Variants in KCNAB1 observed in about 807,000 individuals in gnomAD.
KCNAB1 encodes voltage-gated potassium channel subunit beta-1.
In KCNAB1, 35 loss-of-function variants were observed where a neutral mutation model predicts 64.6. The observed-to-expected ratio is 0.54, with a 90% CI of 0.41 to 0.72. The LOEUF (loss-of-function observed/expected upper bound fraction) is 0.72. KCNAB1 is among the 30% of genes least tolerant of loss of function. KCNAB1 has a pLI of 0.00. For synonymous variants in KCNAB1, 177 were observed against 183.8 expected (o/e 0.96, Z 0.30); for missense variants, 401 against 512.9 (o/e 0.78, Z 2.11).
At chr3:156,193,271 A>G (rs1713682208) in intron 1 of KCNAB1, among the ~76,000 whole-genome samples, 1 of 152,196 alleles carries the variant, frequency 6.6e-6, no homozygotes, top group Non-Finnish European at 1.5e-5. Context: ...ATACAAATTC[A>G]GTAGAAACCA....
chr3:156,155,823 G>T (rs1162211308), intron 1 of KCNAB1, among the ~76,000 whole-genome samples: 1 of 152,198 alleles, frequency 6.6e-6, no homozygotes, highest in Admixed American at 6.5e-5. Context: ...CATGGTCGTG[G>T]TTTATTACAG....
intron 8 of KCNAB1, among the ~76,000 whole-genome samples, chr3:156,491,134 C>T (rs1715599259): frequency 6.6e-6 from 1 of 152,062 alleles, no homozygotes; most frequent in African/African-American, 2.4e-5. Context: ...CACAATTTCT[C>T]CACAAGCTGC....
At chr3:156,421,697 G>A in intron 2 of KCNAB1, 38 bp downstream of exon 2, 2 of 1,599,994 alleles carry the variant, frequency 1.3e-6, no homozygotes. Context: ...TGGGCTGGAA[G>A]GTGGGAGACT....
At chr3:156,443,629 A>G (rs1025810435) in intron 2 of KCNAB1, among the ~76,000 whole-genome samples, 1 of 152,160 alleles carries the variant, frequency 6.6e-6, no homozygotes, top group Non-Finnish European at 1.5e-5. Context: ...ATGGATCTAC[A>G]TGGTGGAGGC....
chr3:156,229,760 T>G (rs1716407216), intron 1 of KCNAB1, among the ~76,000 whole-genome samples: 1 of 152,214 alleles, frequency 6.6e-6, no homozygotes, highest in African/African-American at 2.4e-5. Context: ...GCTAATTCCT[T>G]GCTTCCTCTC....
chr3:156,468,306 A>G (rs1713585401), intron 7 of KCNAB1, among the ~76,000 whole-genome samples: 1 of 152,118 alleles, frequency 6.6e-6, no homozygotes, highest in South Asian at 2.1e-4. Context: ...ATGTATATAT[A>G]TGTATTCTTT....
intron 5 of KCNAB1, among the ~76,000 whole-genome samples, chr3:156,463,404 T>G (rs1189676123): frequency 6.6e-6 from 1 of 152,196 alleles, no homozygotes; most frequent in African/African-American, 2.4e-5. Flanking sequence ...TACTTTGCTA[T>G]GTCGACATGG....
intron 1 of KCNAB1, among the ~76,000 whole-genome samples, chr3:156,366,224 C>T (rs896886087): frequency 3.9e-5 from 6 of 152,040 alleles, no homozygotes; most frequent in Admixed American, 6.6e-5. Flanking sequence ...TCCTTCTCTC[C>T]GGTAGAGTTT....
chr3:156,286,877 T>C (rs1720125334), intron 1 of KCNAB1, among the ~76,000 whole-genome samples: 1 of 152,232 alleles, frequency 6.6e-6, no homozygotes, highest in African/African-American at 2.4e-5. Context: ...AATTGTAGTG[T>C]GCCTGTGTCA....
At chr3:156,301,366 T>C (rs1721145996) in intron 1 of KCNAB1, among the ~76,000 whole-genome samples, 1 of 152,170 alleles carries the variant, frequency 6.6e-6, no homozygotes, top group African/African-American at 2.4e-5. Flanking sequence ...AATAAACCTT[T>C]TGACTCACTA....
At chr3:156,403,441 G>A (rs546259560) in intron 1 of KCNAB1, among the ~76,000 whole-genome samples, 20 of 152,308 alleles carry the variant, frequency 1.3e-4, no homozygotes, top group African/African-American at 4.6e-4. Context: ...TAAGGGGAAG[G>A]GGTGAGCCCA....
intron 1 of KCNAB1, among the ~76,000 whole-genome samples, chr3:156,369,292 C>T (rs934599670): frequency 1.8e-4 from 28 of 152,246 alleles, no homozygotes; most frequent in African/African-American, 5.3e-4. Context: ...TTTTTCATTC[C>T]GGTATGATAT....
chr3:156,425,110 A>T (rs1715725374), intron 2 of KCNAB1, among the ~76,000 whole-genome samples: 1 of 152,214 alleles, frequency 6.6e-6, no homozygotes, highest in Non-Finnish European at 1.5e-5. Flanking sequence ...TGTCAAATCC[A>T]AATGGAGCTG....
intron 1 of KCNAB1, among the ~76,000 whole-genome samples, chr3:156,316,844 A>T (rs1018153336): frequency 5.3e-5 from 8 of 152,226 alleles, no homozygotes; most frequent in African/African-American, 1.9e-4. Flanking sequence ...GGGAACTCCA[A>T]AGATGAAATC....
At chr3:156,183,973 A>T (rs1262924855) in intron 1 of KCNAB1, among the ~76,000 whole-genome samples, 1 of 152,226 alleles carries the variant, frequency 6.6e-6, no homozygotes, top group Admixed American at 6.5e-5. Flanking sequence ...TAAAATGGGG[A>T]TAATAATTAT....
At chr3:156,489,435 G>GA (rs1715477116) in intron 8 of KCNAB1, among the ~76,000 whole-genome samples, 2 of 152,128 alleles carry the variant, frequency 1.3e-5, no homozygotes, top group East Asian at 3.9e-4. Flanking sequence ...GTTACTGATA[G>GA]GTCAAGTAAG....
At chr3:156,156,082 T>C (rs1365404562) in intron 1 of KCNAB1, among the ~76,000 whole-genome samples, 1 of 152,204 alleles carries the variant, frequency 6.6e-6, no homozygotes, top group African/African-American at 2.4e-5. Context: ...TTCAGGCTGA[T>C]ACAATGTGGC....
chr3:156,298,309 C>T (rs1372231371), intron 1 of KCNAB1, among the ~76,000 whole-genome samples: 1 of 152,100 alleles, frequency 6.6e-6, no homozygotes, highest in Admixed American at 6.5e-5. Context: ...CATGTGCGCA[C>T]GTGGACGTGA....
intron 2 of KCNAB1, among the ~76,000 whole-genome samples, chr3:156,445,385 G>A (rs928539876): frequency 6.6e-6 from 1 of 152,158 alleles, no homozygotes; most frequent in African/African-American, 2.4e-5. Flanking sequence ...AACCCTGACT[G>A]CAATTAGAGT....
Sources: allele counts gnomAD v4.1 joint callset (sites outside exome capture counted in the v4.1 genomes callset), GRCh38; gene constraint gnomAD v4.1.1; transcripts MANE v1.5; gene names NCBI Gene and HGNC (gene_info 2026-07-23, HGNC 2026-07-21).